The following ZNF407 variants were observed in gnomAD, a reference collection of about 807,000 sequenced individuals.
ZNF407 encodes zinc finger protein 407.
In ZNF407, 17 loss-of-function variants were observed where a neutral mutation model predicts 131.2. The ratio of observed to expected loss-of-function variants is 0.13; its 90% CI spans 0.09 to 0.19. The LOEUF is 0.19. Ranked by LOEUF, ZNF407 falls within the 10% of genes least tolerant of loss-of-function variation. The pLI is 1.00. For synonymous variants in ZNF407, 1,156 were observed against 1,062.0 expected (o/e 1.09, Z -1.72); for missense variants, 2,681 against 2,830.6 (o/e 0.95, Z 1.20).
At chr18:74,898,782 A>C (rs1971485610) in intron 7 of ZNF407, among the ~76,000 whole-genome samples, 1 of 152,224 alleles carries the variant, frequency 6.6e-6, no homozygotes, top group African/African-American at 2.4e-5. Flanking sequence ...CACATACATG[A>C]AATGTCATAA....
At chr18:74,977,770 G>T (rs1972544647) in intron 8 of ZNF407, among the ~76,000 whole-genome samples, 1 of 152,186 alleles carries the variant, frequency 6.6e-6, no homozygotes, top group South Asian at 2.1e-4. Flanking sequence ...GTTTGTGCCA[G>T]TATGACTCGG....
chr18:74,973,121 C>G (rs1427482000), intron 8 of ZNF407, among the ~76,000 whole-genome samples: 1 of 148,322 alleles, frequency 6.7e-6, no homozygotes, highest in Admixed American at 6.8e-5. Flanking sequence ...AGTGATTATT[C>G]TAGGTTTTAT....
chr18:74,739,452 G>A (rs970737317), intron 3 of ZNF407, among the ~76,000 whole-genome samples: 2 of 151,562 alleles, frequency 1.3e-5, no homozygotes, highest in African/African-American at 4.8e-5. Context: ...ATTGAAACAG[G>A]TATTTTCCTT....
chr18:74,712,133 C>T (rs1967780128), intron 3 of ZNF407, among the ~76,000 whole-genome samples: 1 of 152,162 alleles, frequency 6.6e-6, no homozygotes, highest in Non-Finnish European at 1.5e-5. Flanking sequence ...TGTGCTTGCT[C>T]ATTTCAGGAG....
At chr18:74,778,855 G>T (rs2145020416) in intron 3 of ZNF407, among the ~76,000 whole-genome samples, 1 of 152,170 alleles carries the variant, frequency 6.6e-6, no homozygotes, top group Admixed American at 6.5e-5. Flanking sequence ...ATGAAAGAAT[G>T]AGGATTTATT....
Position 74,631,298 on chromosome 18 carries a change from A to C in ZNF407, c.279A>C (p.Arg93Ser), listed in dbSNP as rs770589315. The C allele has an allele frequency of 1.2e-6, 2 of 1,614,038 alleles. No homozygotes were observed. The highest frequency in any genetic ancestry group is 1.7e-6 in the Non-Finnish European group (2 of 1,179,888). ...AATCTGGAAAGCAAGGTATTTGTAG[A>C]TTAGAAACTTCTGAGAGCTCAGTCA... Reference protein sequence around the residue: ...PLKSGKQGICRLETSESSVTE... With the variant: ...PLKSGKQGICSLETSESSVTE... The change falls in exon 2 of 9, where the codon AGA becomes AGC. Residue 93 changes from arginine (R) to serine (S), a missense_variant. This residue lies in a region of ZNF407 where 1,789 missense variants were observed against 1,748.7 expected (regional missense o/e 1.02). Transcript: ENST00000299687.
At chr18:75,034,569 TG>T (rs1299710145) in intron 8 of ZNF407, among the ~76,000 whole-genome samples, 3 of 151,658 alleles carry the variant, frequency 2.0e-5, no homozygotes, top group Non-Finnish European at 4.4e-5. Context: ...CCCAAAGTGC[TG>T]GGATTACAGG....
chr18:74,944,074 T>C (rs1026650964), intron 8 of ZNF407, among the ~76,000 whole-genome samples: 1 of 152,176 alleles, frequency 6.6e-6, no homozygotes, highest in Admixed American at 6.5e-5. Flanking sequence ...TCCATCTAAT[T>C]ATACGAGGCG....
At chr18:74,876,574 T>A (rs1245513565) in intron 4 of ZNF407, among the ~76,000 whole-genome samples, 2 of 152,242 alleles carry the variant, frequency 1.3e-5, no homozygotes, top group African/African-American at 2.4e-5. Flanking sequence ...TATTTTTTTT[T>A]CATACTGGAA....
At chr18:74,639,149 A>G (rs529144411) in intron 2 of ZNF407, among the ~76,000 whole-genome samples, 137 of 152,300 alleles carry the variant, frequency 9.0e-4, no homozygotes, top group Admixed American at 1.2e-3. Flanking sequence ...GGAGCCATGG[A>G]CAGTAAATTG....
chr18:74,644,283 C>G (rs531111602), intron 3 of ZNF407, among the ~76,000 whole-genome samples: 38 of 147,784 alleles, frequency 2.6e-4, no homozygotes, highest in African/African-American at 9.4e-4. Context: ...TATATTTAGG[C>G]ACTTGATGGA....
chr18:74,835,981 G>C (rs936604662), intron 4 of ZNF407, among the ~76,000 whole-genome samples: 2 of 150,276 alleles, frequency 1.3e-5, no homozygotes, highest in African/African-American at 4.9e-5. Context: ...GTGGAGAAGG[G>C]CTCCTTTGGG....
intron 3 of ZNF407, among the ~76,000 whole-genome samples, chr18:74,777,452 A>G (rs1164707420): frequency 6.6e-6 from 1 of 152,140 alleles, no homozygotes; most frequent in East Asian, 1.9e-4. Context: ...CAAGCAGTAG[A>G]GTTGGCCTCC....
intron 4 of ZNF407, among the ~76,000 whole-genome samples, chr18:74,824,877 T>G (rs1414048978): frequency 6.6e-6 from 1 of 152,182 alleles, no homozygotes; most frequent in Non-Finnish European, 1.5e-5. Flanking sequence ...GTCAACATCA[T>G]TGTGATACCA....
chr18:74,644,373 A>G (rs1021912501), intron 3 of ZNF407, among the ~76,000 whole-genome samples: 1 of 151,762 alleles, frequency 6.6e-6, no homozygotes, highest in African/African-American at 2.4e-5. Context: ...AACTATACCT[A>G]TTTTTTATAG....
intron 8 of ZNF407, among the ~76,000 whole-genome samples, chr18:75,017,864 C>T (rs1313109954): frequency 2.0e-5 from 3 of 152,166 alleles, no homozygotes; most frequent in Non-Finnish European, 4.4e-5. Context: ...TTTCTATCTA[C>T]ACTGTCCAGT....
Position 74,785,963 on chromosome 18 carries a change from T to C in ZNF407, c.4877+4461T>C, listed in dbSNP as rs193000708. On this transcript the variant is annotated intron_variant, in intron 4 of 8. Coordinates refer to ENST00000299687, the MANE Select transcript of ZNF407 (RefSeq NM_017757.3). Reference sequence around the variant, plus strand: ...ACATGGCACACATGATGTGTGCAGTTGTGACTGATGCTTCACAGGGTTGTT... The same window carrying C: ...ACATGGCACACATGATGTGTGCAGTCGTGACTGATGCTTCACAGGGTTGTT... Among the ~76,000 whole-genome samples the C allele has an allele frequency of 2.4e-3, 358 of 152,338 alleles. 3 individuals carry two copies. The highest frequency in any genetic ancestry group is 8.2e-3 in the African/African-American group (342 of 41,582).
intron 8 of ZNF407, among the ~76,000 whole-genome samples, chr18:75,036,549 C>T (rs1040134358): frequency 2.0e-5 from 3 of 152,308 alleles, no homozygotes; most frequent in Non-Finnish European, 4.4e-5. Flanking sequence ...ATTACATTTG[C>T]GATTAAATCT....
At chr18:74,800,626 A>G (rs549082345) in intron 4 of ZNF407, among the ~76,000 whole-genome samples, 1 of 152,286 alleles carries the variant, frequency 6.6e-6, no homozygotes, top group South Asian at 2.1e-4. Context: ...TTATACGAAG[A>G]TAATTGTTTT....
Sources: gnomAD v4.1 joint callset for allele counts (sites outside exome capture counted in the v4.1 genomes callset) on GRCh38, gnomAD v4.1.1 for gene constraint, gnomAD v4.1.1 regional missense constraint, MANE v1.5 for transcripts, NCBI Gene and HGNC (gene_info 2026-07-23, HGNC 2026-07-21) for gene names.